Variants in USP6NL observed in about 807,000 individuals in gnomAD.
USP6NL encodes the protein USP6 N-terminal-like protein.
USP6NL carries 26 observed loss-of-function variants against 61.9 expected under a neutral mutation model. The observed-to-expected ratio is 0.42, with a 90% CI of 0.31 to 0.58. USP6NL has a LOEUF of 0.58. Among genes scored for constraint, USP6NL ranks in the 20% least tolerant of loss-of-function variants. USP6NL has a pLI of 0.16. For missense variants in USP6NL, 1,114 were observed against 1,034.3 expected (o/e 1.08, Z -1.06); for synonymous variants, 432 against 390.1 (o/e 1.11, Z -1.27).
At chr10:11,517,665 T>A (rs373273520) in intron 5 of USP6NL, among the ~76,000 whole-genome samples, 2 of 152,350 alleles carry the variant, frequency 1.3e-5, no homozygotes, top group African/African-American at 4.8e-5. Context: ...GTTCTCTATA[T>A]ACATAAAATG....
intron 2 of USP6NL, among the ~76,000 whole-genome samples, chr10:11,583,482 C>T (rs926809754): frequency 4.6e-5 from 7 of 152,096 alleles, no homozygotes; most frequent in Admixed American, 1.3e-4. Flanking sequence ...TGAGCCACCG[C>T]GCCCGGCTAC....
Position 11,587,447 on chromosome 10 carries a change from T to A in USP6NL, c.4+10184A>T, listed in dbSNP as rs375984748. 6.6e-6 allele frequency among the ~76,000 whole-genome samples: 1 copy of A among 152,008 alleles called. No homozygotes were observed. Among genetic ancestry groups the A allele is most frequent in the African/African-American group, 2.4e-5 (1 of 41,538 alleles). The stretch of plus-strand genomic sequence containing the variant: ...TTTTAACAGTCATACTATAAGATGA[T>A]AAGTATCCTGACATTTCATATTAAA... On this transcript the variant is annotated intron_variant, in intron 2 of 14. Coordinates refer to ENST00000609104, the MANE Select transcript of USP6NL (RefSeq NM_014688.5). The surrounding 1 kb of genome is among the most constrained non-coding windows in gnomAD (Gnocchi z 4.5).
In USP6NL at chr10:11,525,301, TATTA is replaced by T; in HGVS notation, c.155+81_155+84del. On this transcript the variant is annotated intron_variant, in intron 4 of 14. Coordinates refer to ENST00000609104, the MANE Select transcript of USP6NL (RefSeq NM_014688.5). This position sits in a 1 kb window ranked among gnomAD's most constrained non-coding sequence, Gnocchi z 5.0. ...GACTATTCCTTATTCACAGCAATTA[TATTA>T]AAAATAAAGAAAATCAATATAATAG... 9.1e-7 allele frequency: 1 copy of T among 1,095,954 alleles called. No individual in the cohort carries two copies. 67.9% of individuals were successfully genotyped at this position (1,095,954 alleles called of 1,614,324 possible). A position where few individuals can be genotyped will look rare whatever the true frequency, so the allele number is the denominator to read the frequency against.
rs775345892 is a variant in USP6NL, at chr10:11,495,949, G to C, written c.385-2721C>G. Among the ~76,000 whole-genome samples, 1 of 152,188 alleles carries C rather than the reference G, an allele frequency of 6.6e-6. No individual in the cohort carries two copies. The highest frequency in any genetic ancestry group is 1.5e-5 in the Non-Finnish European group (1 of 68,036). On this transcript the variant is annotated intron_variant, in intron 7 of 14. Coordinates refer to ENST00000609104, the MANE Select transcript of USP6NL (RefSeq NM_014688.5). The surrounding 1 kb of genome is among the most constrained non-coding windows in gnomAD (Gnocchi z 4.6). ...CCAAGCAGTTGGACTGGGGTTCCCT[G>C]AAGTCAGTACCTTTGGGTTTATTTT...
At position 11,536,748 on chromosome 10, in the gene USP6NL, T is replaced by A. The variant is rs1476811645; in HGVS notation, c.5-9181A>T. On this transcript the variant is annotated intron_variant, in intron 2 of 14. Transcript: ENST00000609104. Reference sequence around the variant, plus strand: ...GCGGTCCAACCCAATCCCACTTGCATCTCCCATAACTACATTAATTCCACA... The same window carrying A: ...GCGGTCCAACCCAATCCCACTTGCAACTCCCATAACTACATTAATTCCACA... 3.9e-5 allele frequency among the ~76,000 whole-genome samples: 6 copies of A among 152,290 alleles called. No homozygotes were observed. In the South Asian group the frequency reaches 1.2e-3, roughly 32 times the overall value.
At chr10:11,580,855 C>T (rs61844600) in intron 2 of USP6NL, among the ~76,000 whole-genome samples, 5 of 141,382 alleles carry the variant, frequency 3.5e-5, no homozygotes, top group Admixed American at 7.2e-5. Flanking sequence ...GGATGAATGA[C>T]GAACGGATAG....
chr10:11,494,289 T>A (rs1833821308), intron 7 of USP6NL, among the ~76,000 whole-genome samples: 1 of 152,178 alleles, frequency 6.6e-6, no homozygotes, highest in Admixed American at 6.5e-5. Context: ...AAACTTCACA[T>A]TTCAGTACTG....
rs956695400 is a variant in USP6NL, at chr10:11,511,282, A to G, written c.196-1607T>C. ...TCAAAAGGCTAAGTATATTTTCCTC[A>G]TTATATTATTAGTGATAAACTGTTG... On this transcript the variant is annotated intron_variant, in intron 5 of 14. Transcript: ENST00000609104. This position sits in a 1 kb window ranked among gnomAD's most constrained non-coding sequence, Gnocchi z 4.9. Among the ~76,000 whole-genome samples the G allele has an allele frequency of 6.6e-6, 1 of 152,208 alleles. No individual in the cohort carries two copies. Among genetic ancestry groups the G allele is most frequent in the Non-Finnish European group, 1.5e-5 (1 of 68,032 alleles).
chr10:11,538,953 T>C (rs1835941187), intron 2 of USP6NL, among the ~76,000 whole-genome samples: 1 of 152,192 alleles, frequency 6.6e-6, no homozygotes, highest in Non-Finnish European at 1.5e-5. Flanking sequence ...TCCCTTTCGT[T>C]GTGGAAAGGC....
At chr10:11,541,540 A>C (rs1836069113) in intron 2 of USP6NL, among the ~76,000 whole-genome samples, 1 of 152,098 alleles carries the variant, frequency 6.6e-6, no homozygotes, top group Non-Finnish European at 1.5e-5. Context: ...GAATAAATAA[A>C]ATCGCAAGCA....
In USP6NL at chr10:11,463,118, TA is replaced by T; in HGVS notation, c.1809del (p.Phe603LeufsTer17). 2 of 1,614,004 alleles carry T rather than the reference TA, an allele frequency of 1.2e-6. No homozygotes were observed. Among genetic ancestry groups the T allele is most frequent in the Non-Finnish European group, 1.7e-6 (2 of 1,179,888 alleles). On this transcript the variant is annotated frameshift_variant, in exon 15 of 15. Coordinates refer to ENST00000609104, the MANE Select transcript of USP6NL (RefSeq NM_014688.5). LOFTEE classifies it low-confidence loss of function (END_TRUNC). The surrounding 1 kb of genome is among the most constrained non-coding windows in gnomAD (Gnocchi z 6.3). The stretch of plus-strand genomic sequence containing the variant: ...TGACTTGGAGGCTGTACTTTAAAAG[TA>T]AACTTGTTGGATACTTTTGATGGAC... ...SSSPSKVSNK[F>X]TFKVQPPSHA... is the part of the protein sequence containing the mutation.
At chr10:11,545,062 T>C (rs1249482982) in intron 2 of USP6NL, among the ~76,000 whole-genome samples, 3 of 152,246 alleles carry the variant, frequency 2.0e-5, no homozygotes, top group Admixed American at 6.5e-5. Flanking sequence ...TTTCACTCTT[T>C]AGTACATCCT....
chr10:11,527,339 T>G (rs997326755), intron 3 of USP6NL, among the ~76,000 whole-genome samples, 161 bp downstream of exon 3: 1 of 152,114 alleles, frequency 6.6e-6, no homozygotes, highest in Non-Finnish European at 1.5e-5. Context: ...GAGAAAAGGA[T>G]GAAGAAAGAC....
intron 2 of USP6NL, among the ~76,000 whole-genome samples, chr10:11,570,690 C>T (rs1460754747): frequency 6.6e-6 from 1 of 151,958 alleles, no homozygotes; most frequent in East Asian, 1.9e-4. Flanking sequence ...TCTTCAGTAA[C>T]ACACAGCTCT....
At chr10:11,560,714 T>TTTTATATA (rs1555171619) in intron 2 of USP6NL, among the ~76,000 whole-genome samples, 1 of 141,326 alleles carries the variant, frequency 7.1e-6, no homozygotes, top group Non-Finnish European at 1.5e-5. Flanking sequence ...TATATATATA[T>TTTTATATA]TATATATATA....
Position 11,611,110 on chromosome 10 carries a change from G to C in USP6NL, c.-84+333C>G, listed in dbSNP as rs1313319299. Among the ~76,000 whole-genome samples the C allele has an allele frequency of 6.6e-6, 1 of 152,118 alleles. No homozygotes were observed. Among genetic ancestry groups the C allele is most frequent in the Non-Finnish European group, 1.5e-5 (1 of 67,990 alleles). On this transcript the variant is annotated intron_variant, in intron 1 of 14. Coordinates refer to ENST00000609104, the MANE Select transcript of USP6NL (RefSeq NM_014688.5). The surrounding 1 kb of genome is among the most constrained non-coding windows in gnomAD (Gnocchi z 5.3). ...GGAGACGCGACCGAAACTTGCGAGG[G>C]AGACGCGCCTGGCCGGGATCGCGGC...
Position 11,589,711 on chromosome 10 carries a change from A to C in USP6NL, c.4+7920T>G, listed in dbSNP as rs1404420113. Among the ~76,000 whole-genome samples the C allele has an allele frequency of 6.6e-6, 1 of 152,228 alleles. No individual in the cohort carries two copies. Among genetic ancestry groups the C allele is most frequent in the Non-Finnish European group, 1.5e-5 (1 of 68,032 alleles). ...TTCTATTCCACTCTTCTAACATCTA[A>C]AACAGGCAACTGTATTTTTAAAAAG... On this transcript the variant is annotated intron_variant, in intron 2 of 14. Coordinates refer to ENST00000609104, the MANE Select transcript of USP6NL (RefSeq NM_014688.5). The surrounding 1 kb of genome is among the most constrained non-coding windows in gnomAD (Gnocchi z 4.7).
At chr10:11,582,905 T>C (rs575901216) in intron 2 of USP6NL, among the ~76,000 whole-genome samples, 2 of 150,374 alleles carry the variant, frequency 1.3e-5, no homozygotes, top group African/African-American at 4.9e-5. Context: ...AATAAAATCC[T>C]GTTCATTCAT....
chr10:11,487,076 G>A lies in USP6NL; in HGVS notation c.665-1165C>T, dbSNP rs1483746802. ...AAAAAAAAAATCCGTATCTATCAGT[G>A]CCACTTTCATAGTCAATTTGATAGG... On this transcript the variant is annotated intron_variant, in intron 10 of 14. Transcript: ENST00000609104. The surrounding 1 kb of genome is among the most constrained non-coding windows in gnomAD (Gnocchi z 4.2). 6.6e-6 allele frequency among the ~76,000 whole-genome samples: 1 copy of A among 151,426 alleles called. No homozygotes were observed. Among genetic ancestry groups the A allele is most frequent in the African/African-American group, 2.4e-5 (1 of 41,182 alleles).
Sources: gnomAD v4.1 joint callset for allele counts (sites outside exome capture counted in the v4.1 genomes callset) on GRCh38, gnomAD v4.1.1 for gene constraint, Gnocchi (gnomAD v3.1) non-coding constraint, MANE v1.5 for transcripts, NCBI Gene and HGNC (gene_info 2026-07-23, HGNC 2026-07-21) for gene names.